DOCK2: variants seen among roughly 807,000 people sequenced by gnomAD.
DOCK2 encodes the protein dedicator of cytokinesis 2, also known as dedicator of cytokinesis protein 2.
DOCK2 carries 87 observed loss-of-function variants against 248.9 expected under a neutral mutation model. That is an observed-to-expected ratio of 0.35 (90% CI 0.29 to 0.42). The LOEUF (loss-of-function observed/expected upper bound fraction) is 0.42, where lower values mean the gene tolerates loss of function less well. Among genes scored for constraint, DOCK2 ranks in the 10% least tolerant of loss-of-function variants. The pLI, the probability that DOCK2 is intolerant of heterozygous loss-of-function variation, is 1.00. For missense variants in DOCK2, 1,747 were observed against 2,300.2 expected (o/e 0.76, Z 4.92); for synonymous variants, 805 against 821.6 (o/e 0.98, Z 0.35).
At chr5:170,060,158 G>T (rs1338210725) in intron 44 of DOCK2, among the ~76,000 whole-genome samples, 5 of 152,098 alleles carry the variant, frequency 3.3e-5, no homozygotes, top group Non-Finnish European at 7.4e-5. Flanking sequence ...GTTTTATTTT[G>T]TTCTTGTTCT....
At chr5:169,948,855 G>A (rs1014603227) in intron 27 of DOCK2, among the ~76,000 whole-genome samples, 10 of 151,796 alleles carry the variant, frequency 6.6e-5, no homozygotes, top group African/African-American at 2.2e-4. Flanking sequence ...CAGCTCCCCA[G>A]TGACTGGCAC....
In DOCK2 at chr5:169,686,071, C is replaced by CTATT. The variant is rs1396157449; in HGVS notation, c.761+1721_761+1722insTATT. On this transcript the variant is annotated intron_variant, in intron 8 of 51. Transcript: ENST00000520908. ...CACCTGGCTTAGCCTTGGTGGACCC[C>CTATT]GATAATGAGTGTCCCTGGTCCCTTA... is the stretch of plus-strand genomic sequence containing the variant. 4.1e-3 allele frequency among the ~76,000 whole-genome samples: 625 copies of CTATT among 152,258 alleles called. 4 individuals are homozygous for CTATT. Among genetic ancestry groups the CTATT allele is most frequent in the African/African-American group, 0.014 (564 of 41,522 alleles).
chr5:169,974,133 C>G (rs1246226722), intron 27 of DOCK2, among the ~76,000 whole-genome samples: 1 of 152,138 alleles, frequency 6.6e-6, no homozygotes, highest in African/African-American at 2.4e-5. Flanking sequence ...TGAAAGCATT[C>G]TGAAGTCAAG....
chr5:169,800,944 CTTTT>C lies in DOCK2; in HGVS notation c.2555-2088_2555-2085del, dbSNP rs60140740. Among the ~76,000 whole-genome samples, 43 of 53,174 alleles carry C rather than the reference CTTTT, an allele frequency of 8.1e-4. 1 individual carries two copies. Among genetic ancestry groups the C allele is most frequent in the African/African-American group, 4.1e-3 (29 of 7,140 alleles). The allele number at this position is 53,174 out of a possible 152,430, so 34.9% of individuals were successfully genotyped here. ...TTTTTCTTTTTTCTTTTCTTTCTTTCTTTTTTTTTTTTTTTTTTTTTTTTTTTTT... is the reference window on the plus strand; with the variant it reads ...TTTTTCTTTTTTCTTTTCTTTCTTTCTTTTTTTTTTTTTTTTTTTTTTTTT... On this transcript the variant is annotated intron_variant, in intron 25 of 51. Transcript: ENST00000520908.
chr5:169,659,506 A>G (rs1474623021), intron 2 of DOCK2, among the ~76,000 whole-genome samples: 1 of 152,150 alleles, frequency 6.6e-6, no homozygotes, highest in African/African-American at 2.4e-5. Flanking sequence ...GGAATGGGTG[A>G]GACTAGCCCT....
intron 22 of DOCK2, among the ~76,000 whole-genome samples, chr5:169,737,957 A>G (rs1040739697): frequency 1.3e-5 from 2 of 152,180 alleles, no homozygotes; most frequent in Non-Finnish European, 2.9e-5. Flanking sequence ...GCACAGGTAA[A>G]ACAACCTGGG....
Position 169,705,995 on chromosome 5 carries a change from A to G in DOCK2, c.1384-2174A>G, listed in dbSNP as rs10035898. Among the ~76,000 whole-genome samples, 546 of 152,372 alleles carry G rather than the reference A, an allele frequency of 3.6e-3. 8 individuals are homozygous for G. Among genetic ancestry groups the G allele is most frequent in the African/African-American group, 0.013 (531 of 41,588 alleles). On this transcript the variant is annotated intron_variant, in intron 14 of 51. Transcript: ENST00000520908. ...ATGTAGAAAATTATGGAACAGTGTTATTTGAGATATATACCAGTGTATATT... is the reference window on the plus strand; with the variant it reads ...ATGTAGAAAATTATGGAACAGTGTTGTTTGAGATATATACCAGTGTATATT...
At chr5:169,671,292 G>A (rs1759041203) in intron 5 of DOCK2, 118 bp downstream of exon 5, 1 of 825,966 alleles carries the variant, frequency 1.2e-6, no homozygotes, top group African/African-American at 1.7e-5. Context: ...ACATAGCAGA[G>A]CGCACACTAT....
At chr5:170,069,339 T>C in intron 46 of DOCK2, 119 bp downstream of exon 46, 1 of 1,010,888 alleles carries the variant, frequency 9.9e-7, no homozygotes, top group Non-Finnish European at 1.5e-6. Context: ...CTCCTGTCCC[T>C]TGCTTTTCAG....
At chr5:169,738,582 G>A (rs1226757262) in intron 22 of DOCK2, among the ~76,000 whole-genome samples, 3 of 152,146 alleles carry the variant, frequency 2.0e-5, no homozygotes, top group Non-Finnish European at 2.9e-5. Context: ...CTTGGTTTTG[G>A]ACAATACATG....
At chr5:169,759,809 C>T (rs1764380757) in intron 24 of DOCK2, 34 bp downstream of exon 24, 2 of 1,612,460 alleles carry the variant, frequency 1.2e-6, no homozygotes, top group Non-Finnish European at 8.5e-7. Flanking sequence ...TTGGGCTCTG[C>T]TGGCAAGCTA....
chr5:170,034,269 A>G, intron 34 of DOCK2, 130 bp from the exon 35 acceptor site: 3 of 1,140,292 alleles, frequency 2.6e-6, no homozygotes, highest in South Asian at 1.6e-5. Context: ...TGAATAAATG[A>G]ACAAAAGGAG....
At chr5:169,711,084 G>A (rs1761557592) in intron 15 of DOCK2, among the ~76,000 whole-genome samples, 1 of 152,208 alleles carries the variant, frequency 6.6e-6, no homozygotes, top group Admixed American at 6.5e-5. Flanking sequence ...CTGAAACATA[G>A]ACAGGATGGT....
intron 33 of DOCK2, among the ~76,000 whole-genome samples, chr5:170,021,186 G>A (rs979354006): frequency 2.6e-5 from 4 of 152,202 alleles, no homozygotes; most frequent in African/African-American, 4.8e-5. Flanking sequence ...GAAAGAGGCC[G>A]TATCTGAGCA....
At chr5:169,828,946 T>G (rs1769050601) in intron 26 of DOCK2, among the ~76,000 whole-genome samples, 1 of 152,346 alleles carries the variant, frequency 6.6e-6, no homozygotes, top group Non-Finnish European at 1.5e-5. Context: ...CACAATCTAT[T>G]TGTTTAACAG....
chr5:169,919,997 C>T (rs554198534), intron 27 of DOCK2, among the ~76,000 whole-genome samples: 7 of 152,150 alleles, frequency 4.6e-5, no homozygotes, highest in Non-Finnish European at 8.8e-5. Context: ...ACATGTTGTC[C>T]GTGTTGTTGA....
intron 25 of DOCK2, among the ~76,000 whole-genome samples, chr5:169,779,652 A>G (rs1329860343): frequency 6.6e-6 from 1 of 152,038 alleles, no homozygotes; most frequent in Non-Finnish European, 1.5e-5. Flanking sequence ...AGGTCCAGCC[A>G]TCTCCCTGTC....
At chr5:170,068,994 C>G (rs1376590235) in intron 45 of DOCK2, 143 bp from the exon 46 acceptor site, 1 of 686,762 alleles carries the variant, frequency 1.5e-6, no homozygotes, top group African/African-American at 1.8e-5. Flanking sequence ...TCAGTCTCTC[C>G]AGACCTGTTA....
chr5:169,989,553 C>T (rs542134878), intron 29 of DOCK2, among the ~76,000 whole-genome samples: 3 of 152,182 alleles, frequency 2.0e-5, no homozygotes, highest in Non-Finnish European at 4.4e-5. Context: ...GGCTTACGGT[C>T]TAGCTGGGGA....
Sources: gnomAD v4.1 joint callset for allele counts (sites outside exome capture counted in the v4.1 genomes callset) on GRCh38, gnomAD v4.1.1 for gene constraint, MANE v1.5 for transcripts, NCBI Gene and HGNC (gene_info 2026-07-23, HGNC 2026-07-21) for gene names.